Variants in SLMAP observed in about 807,000 individuals in gnomAD.
SLMAP encodes the protein sarcolemma associated protein.
SLMAP carries 44 observed loss-of-function variants against 128.8 expected under a neutral mutation model. The ratio of observed to expected loss-of-function variants is 0.34; its 90% CI spans 0.27 to 0.44. The LOEUF (loss-of-function observed/expected upper bound fraction) is 0.44, where lower values mean the gene tolerates loss of function less well. SLMAP is among the 20% of genes least tolerant of loss of function. The pLI is 1.00. For synonymous variants in SLMAP, 327 were observed against 348.8 expected (o/e 0.94, Z 0.70); for missense variants, 787 against 985.3 (o/e 0.80, Z 2.69).
At chr3:57,767,384 G>A (rs1409947978) in intron 2 of SLMAP, among the ~76,000 whole-genome samples, 2 of 152,194 alleles carry the variant, frequency 1.3e-5, no homozygotes, top group Non-Finnish European at 2.9e-5. Context: ...GCAAACCTGT[G>A]CAGTGTTAAA....
intron 17 of SLMAP, among the ~76,000 whole-genome samples, chr3:57,906,770 T>C (rs542973127): frequency 1.3e-5 from 2 of 151,170 alleles, no homozygotes; most frequent in East Asian, 1.9e-4. Context: ...ATTGAAGTTA[T>C]TATGCTGAGG....
At chr3:57,799,794 A>G (rs2087752696) in intron 2 of SLMAP, among the ~76,000 whole-genome samples, 1 of 152,188 alleles carries the variant, frequency 6.6e-6, no homozygotes, top group South Asian at 2.1e-4. Flanking sequence ...GTACAAACAT[A>G]TTCGCGAGCT....
At chr3:57,893,054 C>T (rs962132066) in intron 15 of SLMAP, among the ~76,000 whole-genome samples, 49 of 151,322 alleles carry the variant, frequency 3.2e-4, no homozygotes, top group African/African-American at 9.9e-4. Flanking sequence ...AGGATGGTCT[C>T]GATCTCCTGA....
At chr3:57,766,068 G>A (rs531332579) in intron 2 of SLMAP, among the ~76,000 whole-genome samples, 155 of 147,480 alleles carry the variant, frequency 1.1e-3, no homozygotes, top group African/African-American at 3.7e-3. Flanking sequence ...GCGCGATCTC[G>A]GCTCATTGTA....
rs1036847387 is a variant in SLMAP, at chr3:57,868,439, A to T, written c.1237+3147A>T. Among the ~76,000 whole-genome samples, 7 of 150,340 alleles carry T rather than the reference A, an allele frequency of 4.7e-5. 1 individual carries two copies. Among genetic ancestry groups the T allele is most frequent in the African/African-American group, 1.2e-4 (5 of 40,852 alleles). ...AAAAGAAAAAAAAAATTTTTTTTTT[A>T]AATTAGTGAGGTGTGGTGGCATGTG... On this transcript the variant is annotated intron_variant, in intron 13 of 24. Coordinates refer to ENST00000671191, the MANE Select transcript of SLMAP (RefSeq NM_001377540.1).
At chr3:57,888,806 T>G (rs1342476733) in intron 14 of SLMAP, among the ~76,000 whole-genome samples, 2 of 152,166 alleles carry the variant, frequency 1.3e-5, no homozygotes, top group African/African-American at 2.4e-5. Context: ...GAAGTGAATT[T>G]TAGGAATGGA....
chr3:57,833,881 G>T, intron 3 of SLMAP, among the ~76,000 whole-genome samples: 1 of 151,730 alleles, frequency 6.6e-6, no homozygotes, highest in Admixed American at 6.6e-5. Flanking sequence ...ACGGGCTCTT[G>T]GGATACAGCT....
At chr3:57,860,952 TG>T in intron 9 of SLMAP, 113 bp downstream of exon 9, 1 of 866,144 alleles carries the variant, frequency 1.2e-6, no homozygotes, top group South Asian at 2.0e-5. Context: ...AAATACTTTC[TG>T]TCTGTCAGGT....
At chr3:57,906,447 C>T (rs944618095) in intron 17 of SLMAP, among the ~76,000 whole-genome samples, 1 of 148,136 alleles carries the variant, frequency 6.8e-6, no homozygotes, top group Non-Finnish European at 1.5e-5. Flanking sequence ...TCCTGAGTAG[C>T]TGGGATTACA....
intron 13 of SLMAP, 69 bp from the exon 14 acceptor site, chr3:57,871,567 C>T (rs1281805920): frequency 3.3e-6 from 4 of 1,196,200 alleles, no homozygotes; most frequent in Non-Finnish European, 5.0e-6. Flanking sequence ...TTCAGTTTTC[C>T]TACCTTTGCT....
At chr3:57,870,616 G>A (rs2095458862) in intron 13 of SLMAP, among the ~76,000 whole-genome samples, 1 of 152,134 alleles carries the variant, frequency 6.6e-6, no homozygotes, top group Non-Finnish European at 1.5e-5. Context: ...TGTAAAGAGA[G>A]GTAAGGCATG....
chr3:57,796,102 T>C (rs2086670758), intron 2 of SLMAP, among the ~76,000 whole-genome samples: 2 of 152,214 alleles, frequency 1.3e-5, no homozygotes, highest in African/African-American at 4.8e-5. Context: ...GCCATAAACA[T>C]GTATTTTAAC....
At chr3:57,779,918 G>C in intron 2 of SLMAP, among the ~76,000 whole-genome samples, 1 of 151,930 alleles carries the variant, frequency 6.6e-6, no homozygotes, top group Admixed American at 6.6e-5. Context: ...TTCTCAAGCT[G>C]GCAGTTGGGT....
chr3:57,775,949 T>C (rs2081847357), intron 2 of SLMAP, among the ~76,000 whole-genome samples: 1 of 152,018 alleles, frequency 6.6e-6, no homozygotes, highest in Non-Finnish European at 1.5e-5. Context: ...TCCAGCTGCC[T>C]CGGCCTCCCA....
chr3:57,864,493 C>T, intron 10 of SLMAP, 55 bp from the exon 11 acceptor site: 10 of 1,237,814 alleles, frequency 8.1e-6, no homozygotes, highest in African/African-American at 1.6e-5. Flanking sequence ...TCCTGGGGCT[C>T]GCTCTTAAAA....
At chr3:57,826,182 G>A (rs1389963655) in intron 2 of SLMAP, among the ~76,000 whole-genome samples, 1 of 151,558 alleles carries the variant, frequency 6.6e-6, no homozygotes, top group East Asian at 1.9e-4. Context: ...CTATTCTTTT[G>A]AGTTATTTCA....
At chr3:57,759,039 C>T (rs902626341) in intron 2 of SLMAP, among the ~76,000 whole-genome samples, 6 of 152,094 alleles carry the variant, frequency 3.9e-5, no homozygotes, top group Admixed American at 1.3e-4. Flanking sequence ...AATGATACTT[C>T]GGCAGCTACT....
chr3:57,774,289 C>CT (rs2081398298), intron 2 of SLMAP, among the ~76,000 whole-genome samples: 1 of 151,922 alleles, frequency 6.6e-6, no homozygotes. Context: ...AAATTTTATC[C>CT]TTTATTTTAG....
At chr3:57,852,893 C>T (rs1047115096) in intron 6 of SLMAP, among the ~76,000 whole-genome samples, 16 of 152,160 alleles carry the variant, frequency 1.1e-4, no homozygotes, top group Non-Finnish European at 1.9e-4. Context: ...AAAATTATAC[C>T]AGTCTTTTCT....
Sources: gnomAD v4.1 joint callset for allele counts (sites outside exome capture counted in the v4.1 genomes callset) on GRCh38, gnomAD v4.1.1 for gene constraint, MANE v1.5 for transcripts, NCBI Gene and HGNC (gene_info 2026-07-23, HGNC 2026-07-21) for gene names.